RAP1A: variants seen among roughly 807,000 people sequenced by gnomAD.
RAP1A encodes RAP1A, member of RAS oncogene family.
In RAP1A, 6 loss-of-function variants were observed where a neutral mutation model predicts 26.4. The observed-to-expected ratio is 0.23, with a 90% CI of 0.12 to 0.45. The LOEUF is 0.45. Ranked by LOEUF, RAP1A falls within the 20% of genes least tolerant of loss-of-function variation. The pLI is 0.99. For synonymous variants in RAP1A, 73 were observed against 79.4 expected (o/e 0.92, Z 0.43); for missense variants, 121 against 217.2 (o/e 0.56, Z 2.78).
At chr1:111,602,882 G>A (rs912758384) in intron 1 of RAP1A, among the ~76,000 whole-genome samples, 1 of 152,222 alleles carries the variant, frequency 6.6e-6, no homozygotes, top group Non-Finnish European at 1.5e-5. Context: ...CAAGTGAAGT[G>A]TGTGGTCAGG....
chr1:111,542,879 T>C (rs946204742), intron 1 of RAP1A, among the ~76,000 whole-genome samples: 3 of 152,038 alleles, frequency 2.0e-5, no homozygotes, highest in African/African-American at 4.8e-5. Context: ...GCATTTTTAA[T>C]AGAGATGGGG....
At chr1:111,685,243 G>A (rs1571559168) in intron 1 of RAP1A, among the ~76,000 whole-genome samples, 2 of 152,196 alleles carry the variant, frequency 1.3e-5, no homozygotes, top group South Asian at 4.2e-4. Flanking sequence ...AACACCAAAA[G>A]CAATGGCAAC....
At chr1:111,619,709 A>G (rs761944950), upstream of RAP1A, 256 of 392,692 alleles carry the variant, frequency 6.5e-4, 1 homozygote, top group Middle Eastern at 7.7e-3. Context: ...AAGCCCAGCC[A>G]TCGCCAACTT....
chr1:111,699,902 C>G (rs964739441), intron 4 of RAP1A, among the ~76,000 whole-genome samples: 11 of 152,178 alleles, frequency 7.2e-5, no homozygotes, highest in Non-Finnish European at 1.5e-4. Flanking sequence ...ATTTATAATT[C>G]TCTTGAATAT....
Position 111,669,039 on chromosome 1 carries a change from A to AAG in RAP1A, c.-27-22294_-27-22293insGA, listed in dbSNP as rs1163724417. The stretch of plus-strand genomic sequence containing the variant: ...ACCCTATCTCAAGAAAAAAAAAAAA[A>AAG]AAAAAAAAAGAAAGAAAAGAAATGT... On this transcript the variant is annotated intron_variant, in intron 1 of 7. Transcript: ENST00000369709. 3.2e-5 allele frequency among the ~76,000 whole-genome samples: 4 copies of AAG among 123,780 alleles called. No homozygotes were observed. The South Asian group carries it at 1.2e-3, about 38-fold the overall frequency. The allele number at this position is 123,780 out of a possible 152,430, so 81.2% of individuals were successfully genotyped here.
At chr1:111,575,963 A>C (rs1305823983) in intron 1 of RAP1A, among the ~76,000 whole-genome samples, 1 of 152,234 alleles carries the variant, frequency 6.6e-6, no homozygotes, top group Non-Finnish European at 1.5e-5. Context: ...ACACAAAAAC[A>C]TACAAAAGGG....
chr1:111,586,601 G>T (rs1229876766), intron 1 of RAP1A, among the ~76,000 whole-genome samples: 2 of 152,136 alleles, frequency 1.3e-5, no homozygotes, highest in African/African-American at 4.8e-5. Flanking sequence ...CAAAAAAGTG[G>T]AGGATGGTGG....
chr1:111,600,854 C>T (rs911779892), intron 1 of RAP1A, among the ~76,000 whole-genome samples: 2 of 152,154 alleles, frequency 1.3e-5, no homozygotes, highest in African/African-American at 4.8e-5. Flanking sequence ...TTTTTTCTCT[C>T]TTGCTACCCA....
chr1:111,693,737 A>G (rs1661742342), intron 2 of RAP1A, among the ~76,000 whole-genome samples: 1 of 152,144 alleles, frequency 6.6e-6, no homozygotes, highest in Non-Finnish European at 1.5e-5. Context: ...CCTTTGGAAG[A>G]TTCCACTGTA....
intron 1 of RAP1A, among the ~76,000 whole-genome samples, chr1:111,625,195 C>T (rs577832196): frequency 2.0e-5 from 3 of 152,272 alleles, no homozygotes; most frequent in East Asian, 3.9e-4. Flanking sequence ...TAGGTGTATA[C>T]GCCTATAACA....
intron 3 of RAP1A, 55 bp from the exon 4 acceptor site, chr1:111,697,386 C>T: frequency 6.2e-7 from 1 of 1,604,142 alleles, no homozygotes; most frequent in East Asian, 2.2e-5. Flanking sequence ...GGGAAGAAAA[C>T]AGAATGAGAT....
chr1:111,648,239 C>G lies in RAP1A; in HGVS notation c.-28+28305C>G, dbSNP rs936364013. On this transcript the variant is annotated intron_variant, in intron 1 of 7. Transcript: ENST00000369709. ...TTTTTGACTTCCAGTGACCTTTGAACTTTTTATTGGCTTCCTGCTCCCCAA... is the reference window on the plus strand; with the variant it reads ...TTTTTGACTTCCAGTGACCTTTGAAGTTTTTATTGGCTTCCTGCTCCCCAA... 8.5e-6 allele frequency: 4 copies of G among 472,904 alleles called. No homozygotes were observed. The African/African-American group carries it at 8.6e-5, about 10-fold the overall frequency. The allele number at this position is 472,904 out of a possible 1,614,324, so 29.3% of individuals were successfully genotyped here.
At chr1:111,561,922 G>A (rs539825326) in intron 1 of RAP1A, among the ~76,000 whole-genome samples, 29 of 151,558 alleles carry the variant, frequency 1.9e-4, no homozygotes, top group Non-Finnish European at 3.4e-4. Flanking sequence ...CCTTGCCCCT[G>A]GCCTCTCCCT....
chr1:111,588,733 T>C (rs1658423441), intron 1 of RAP1A, among the ~76,000 whole-genome samples: 1 of 152,220 alleles, frequency 6.6e-6, no homozygotes, highest in Non-Finnish European at 1.5e-5. Context: ...GAGCCTCTCT[T>C]CCATTCTAGA....
rs150545593 is a variant in RAP1A, at chr1:111,712,848, T to G, written c.*447T>G. 6.6e-6 allele frequency: 1 copy of G among 152,446 alleles called. No homozygotes were observed. Among genetic ancestry groups the G allele is most frequent in the South Asian group, 2.1e-4 (1 of 4,834 alleles). The allele number at this position is 152,446 out of a possible 1,614,324, so 9.4% of individuals were successfully genotyped here. A position where few individuals can be genotyped will look rare whatever the true frequency, so the allele number is the denominator to read the frequency against. Reference sequence around the variant, plus strand: ...TTATGAAATGTCCCCTCAAACTCATTGCAGCAGATAACTTTTTTGAGTCAT... The same window carrying G: ...TTATGAAATGTCCCCTCAAACTCATGGCAGCAGATAACTTTTTTGAGTCAT... On this transcript the variant is annotated 3_prime_UTR_variant, in exon 8 of 8. Coordinates refer to ENST00000369709, the MANE Select transcript of RAP1A (RefSeq NM_002884.4).
intron 1 of RAP1A, among the ~76,000 whole-genome samples, chr1:111,559,742 T>C (rs1657653834): frequency 6.6e-6 from 1 of 152,232 alleles, no homozygotes; most frequent in Non-Finnish European, 1.5e-5. Flanking sequence ...AATGACTGCT[T>C]CATTTAAAAC....
intron 1 of RAP1A, among the ~76,000 whole-genome samples, chr1:111,674,536 A>G (rs1661067701): frequency 6.6e-6 from 1 of 151,926 alleles, no homozygotes; most frequent in Non-Finnish European, 1.5e-5. Flanking sequence ...TTTCTACAGA[A>G]CCTCCAGACT....
chr1:111,627,448 T>C (rs1659434265), intron 1 of RAP1A: 2 of 152,090 alleles, frequency 1.3e-5, no homozygotes. Flanking sequence ...ATTGCATCTC[T>C]GTTTTTTTTT....
chr1:111,550,943 C>A (rs1356877328), intron 1 of RAP1A, among the ~76,000 whole-genome samples: 2 of 149,556 alleles, frequency 1.3e-5, no homozygotes. Context: ...ATTGTTATAT[C>A]TTCATAGTGG....
Sources: allele counts gnomAD v4.1 joint callset (sites outside exome capture counted in the v4.1 genomes callset), GRCh38; gene constraint gnomAD v4.1.1; transcripts MANE v1.5; gene names NCBI Gene and HGNC (gene_info 2026-07-23, HGNC 2026-07-21).